FHIT: variants seen among roughly 807,000 people sequenced by gnomAD.
FHIT encodes the protein bis(5'-adenosyl)-triphosphatase.
A neutral mutation model predicts 17.9 loss-of-function variants in FHIT; 19 were observed. That is an observed-to-expected ratio of 1.06 (90% CI 0.74 to 1.56). The LOEUF (loss-of-function observed/expected upper bound fraction) is 1.56, where lower values mean the gene tolerates loss of function less well. Ranked by LOEUF, FHIT falls within the 40% of genes most tolerant of loss-of-function variation. The probability of loss-of-function intolerance (pLI) is 0.00; values close to 1 mark genes in which losing one functional copy is unlikely to be tolerated. For missense variants in FHIT, 248 were observed against 189.2 expected, an observed-to-expected ratio of 1.31 and a Z score of -1.82; for synonymous variants, 81 against 69.7, an observed-to-expected ratio of 1.16 and a Z score of -0.81.
intron 5 of FHIT, among the ~76,000 whole-genome samples, chr3:60,388,034 T>C (rs1463967860): frequency 6.6e-6 from 1 of 152,122 alleles, no homozygotes; most frequent in Non-Finnish European, 1.5e-5. Context: ...CCTCCTGCCA[T>C]GAGCAGAAGC....
At chr3:60,034,167 C>G (rs999876936) in intron 5 of FHIT, among the ~76,000 whole-genome samples, 3 of 152,186 alleles carry the variant, frequency 2.0e-5, no homozygotes, top group African/African-American at 7.2e-5. Flanking sequence ...AGATTGATCA[C>G]TTGGTGAGGA....
intron 8 of FHIT, among the ~76,000 whole-genome samples, chr3:59,784,575 T>C (rs925737348): frequency 3.3e-5 from 5 of 152,192 alleles, no homozygotes; most frequent in Non-Finnish European, 7.3e-5. Context: ...ACTGTGTAGG[T>C]AGGCACAGAA....
intron 5 of FHIT, among the ~76,000 whole-genome samples, chr3:60,269,532 G>A (rs1327546995): frequency 6.6e-6 from 1 of 152,158 alleles, no homozygotes; most frequent in Non-Finnish European, 1.5e-5. Context: ...AGATATTTTT[G>A]CCTCAGTTAT....
intron 5 of FHIT, among the ~76,000 whole-genome samples, chr3:60,450,082 GC>G (rs2031631313): frequency 1.3e-5 from 2 of 150,696 alleles, no homozygotes; most frequent in Admixed American, 1.3e-4. Flanking sequence ...CATGAATGAA[GC>G]TTACGGGACT....
chr3:60,321,940 C>T (rs1330142365), intron 5 of FHIT, among the ~76,000 whole-genome samples: 1 of 152,158 alleles, frequency 6.6e-6, no homozygotes, highest in Non-Finnish European at 1.5e-5. Flanking sequence ...TTAATCACTT[C>T]CCAGAAGGTC....
At chr3:60,021,557 G>C (rs1239729599) in intron 5 of FHIT, among the ~76,000 whole-genome samples, 1 of 152,144 alleles carries the variant, frequency 6.6e-6, no homozygotes, top group Non-Finnish European at 1.5e-5. Context: ...AGAAGTAAAT[G>C]ATATCATTAA....
chr3:60,924,898 A>G (rs992274542), intron 3 of FHIT, among the ~76,000 whole-genome samples: 1 of 152,256 alleles, frequency 6.6e-6, no homozygotes. Context: ...CGGCACCAGA[A>G]CTACGTGACG....
intron 4 of FHIT, among the ~76,000 whole-genome samples, chr3:60,546,558 T>C (rs377442043): frequency 3.3e-5 from 5 of 152,242 alleles, no homozygotes; most frequent in African/African-American, 1.2e-4. Flanking sequence ...CTACTGATTG[T>C]ATTTTCATTT....
chr3:61,224,576 AT>A (rs1352548606), intron 1 of FHIT, among the ~76,000 whole-genome samples: 1 of 151,904 alleles, frequency 6.6e-6, no homozygotes. Context: ...CACCCAGCTA[AT>A]TTTTTTATTT....
rs369759367 is a variant in FHIT at position 60,537,001 on chromosome 3, A to G, written c.-17-22T>C. On this transcript the variant is annotated intron_variant, in intron 4 of 9. Coordinates refer to ENST00000492590, the MANE Select transcript of FHIT (RefSeq NM_002012.4). ...AAGTCTAAAAGAAAAGACAATGGAT[A>G]GTTATAAAATTCAATTAAGAAACTC... 2.2e-4 allele frequency: 346 copies of G among 1,578,528 alleles called. 1 individual carries two copies. Among genetic ancestry groups the G allele is most frequent in the Middle Eastern group, 8.5e-4 (5 of 5,874 alleles).
chr3:60,961,062 T>A (rs927146191), intron 3 of FHIT, among the ~76,000 whole-genome samples: 2 of 152,156 alleles, frequency 1.3e-5, no homozygotes, highest in Admixed American at 6.6e-5. Flanking sequence ...GTGTAAAAGT[T>A]TTCCTATTAC....
intron 3 of FHIT, among the ~76,000 whole-genome samples, chr3:60,989,904 T>C (rs1033376900): frequency 1.3e-5 from 2 of 152,148 alleles, no homozygotes; most frequent in African/African-American, 2.4e-5. Context: ...AAGAGATGAA[T>C]GTGCAGGCTT....
intron 5 of FHIT, among the ~76,000 whole-genome samples, chr3:60,278,475 T>A (rs143260259): frequency 6.6e-6 from 1 of 152,226 alleles, no homozygotes; most frequent in East Asian, 1.9e-4. Context: ...CTAAGAAAAC[T>A]GAGATGTAAT....
At chr3:60,341,297 A>T (rs1484091774) in intron 5 of FHIT, among the ~76,000 whole-genome samples, 1 of 152,172 alleles carries the variant, frequency 6.6e-6, no homozygotes, top group Non-Finnish European at 1.5e-5. Flanking sequence ...AATATGTTGA[A>T]TTTATAATTT....
chr3:60,941,721 T>C (rs1458622537), intron 3 of FHIT, among the ~76,000 whole-genome samples: 1 of 152,212 alleles, frequency 6.6e-6, no homozygotes, highest in African/African-American at 2.4e-5. Context: ...TGAAACCGAA[T>C]CACACACCTT....
intron 2 of FHIT, among the ~76,000 whole-genome samples, chr3:61,076,702 G>C (rs747509310): frequency 6.6e-6 from 1 of 152,106 alleles, no homozygotes; most frequent in Non-Finnish European, 1.5e-5. Context: ...GAAATATACA[G>C]AATAGAAGAA....
At chr3:60,066,630 A>ATTTTTTTTTTTTTTTTTTTTTTTTT (rs71089574) in intron 5 of FHIT, among the ~76,000 whole-genome samples, 1 of 51,422 alleles carries the variant, frequency 1.9e-5, no homozygotes, top group Non-Finnish European at 3.6e-5. Context: ...TCCCTGACAA[A>ATTTTTTTTTTTTTTTTTTTTTTTTT]TTTTTTTTTT....
intron 5 of FHIT, among the ~76,000 whole-genome samples, chr3:60,066,414 G>C (rs757880302): frequency 1.3e-5 from 2 of 151,958 alleles, no homozygotes; most frequent in African/African-American, 4.8e-5. Context: ...CTGCTAATTA[G>C]AGCACTTTGT....
At chr3:61,103,994 C>G (rs543676690) in intron 2 of FHIT, among the ~76,000 whole-genome samples, 2 of 151,932 alleles carry the variant, frequency 1.3e-5, no homozygotes, top group African/African-American at 4.8e-5. Flanking sequence ...GAATACAGCA[C>G]ACTGATGAGT....
Sources: allele counts gnomAD v4.1 joint callset (sites outside exome capture counted in the v4.1 genomes callset), GRCh38; gene constraint gnomAD v4.1.1; transcripts MANE v1.5; gene names NCBI Gene and HGNC (gene_info 2026-07-23, HGNC 2026-07-21).